Variants in ZFAND3 observed in about 807,000 individuals in gnomAD.
The protein encoded by ZFAND3 is AN1-type zinc finger protein 3.
A neutral mutation model predicts 29.6 loss-of-function variants in ZFAND3; 10 were observed. The ratio of observed to expected loss-of-function variants is 0.34; its 90% CI spans 0.21 to 0.57. The LOEUF is 0.57. Ranked by LOEUF, ZFAND3 falls within the 20% of genes least tolerant of loss-of-function variation. The pLI, the probability that ZFAND3 is intolerant of heterozygous loss-of-function variation, is 0.86. For missense variants in ZFAND3, 230 were observed against 304.5 expected, an observed-to-expected ratio of 0.76 and a Z score of 1.82; for synonymous variants, 128 against 112.6, an observed-to-expected ratio of 1.14 and a Z score of -0.87.
intron 2 of ZFAND3, among the ~76,000 whole-genome samples, chr6:37,984,537 T>C (rs1235492159): frequency 6.6e-6 from 1 of 152,202 alleles, no homozygotes; most frequent in Admixed American, 6.5e-5. Flanking sequence ...TAGTTGATGG[T>C]AGGATGTGAA....
At chr6:37,932,403 T>C (rs1761615580) in intron 2 of ZFAND3, among the ~76,000 whole-genome samples, 1 of 152,218 alleles carries the variant, frequency 6.6e-6, no homozygotes. Flanking sequence ...AGACAAAATG[T>C]ATACAGGTTG....
At chr6:37,892,731 G>T (rs1290828694) in intron 1 of ZFAND3, among the ~76,000 whole-genome samples, 1 of 152,130 alleles carries the variant, frequency 6.6e-6, no homozygotes, top group Non-Finnish European at 1.5e-5. Context: ...AAGATACAAA[G>T]CGAGACTCAA....
chr6:37,925,977 G>C (rs969789043), intron 1 of ZFAND3, among the ~76,000 whole-genome samples: 4 of 152,130 alleles, frequency 2.6e-5, no homozygotes, highest in African/African-American at 9.7e-5. Flanking sequence ...GAAAGTGTGG[G>C]AGATCACTAC....
intron 1 of ZFAND3, among the ~76,000 whole-genome samples, chr6:37,865,994 G>T: frequency 6.6e-6 from 1 of 151,970 alleles, no homozygotes; most frequent in East Asian, 1.9e-4. Flanking sequence ...CTATCTTTTT[G>T]CCCCTCACTG....
intron 4 of ZFAND3, among the ~76,000 whole-genome samples, 172 bp from the exon 5 acceptor site, chr6:38,116,400 G>A (rs568965301): frequency 1.7e-4 from 26 of 152,290 alleles, no homozygotes; most frequent in African/African-American, 5.8e-4. Context: ...AAAGGTACAC[G>A]TTTGTCATAG....
chr6:38,153,401 G>A lies in ZFAND3; in HGVS notation c.*1012G>A, dbSNP rs899504524. 51 of 985,390 alleles carry A rather than the reference G, an allele frequency of 5.2e-5. 1 individual carries two copies. In the East Asian group the frequency reaches 1.8e-3, roughly 35 times the overall value. The allele number at this position is 985,390 out of a possible 1,614,324, so 61.0% of individuals were successfully genotyped here. ...TGCCTCCAGGGGCCAAGAGGATGAT[G>A]TCGTGGCCTCCATTCTCGTTTCTAT... On this transcript the variant is annotated 3_prime_UTR_variant, in exon 6 of 6. Coordinates refer to ENST00000287218, the MANE Select transcript of ZFAND3 (RefSeq NM_021943.3).
intron 1 of ZFAND3, among the ~76,000 whole-genome samples, chr6:37,929,083 AT>A (rs1761544102): frequency 1.3e-5 from 2 of 152,216 alleles, no homozygotes; most frequent in African/African-American, 4.8e-5. Context: ...GTGTTCCATT[AT>A]TGGAACACTA....
At chr6:38,146,750 T>A (rs1581960047) in intron 5 of ZFAND3, among the ~76,000 whole-genome samples, 1 of 152,162 alleles carries the variant, frequency 6.6e-6, no homozygotes, top group East Asian at 1.9e-4. Context: ...GGGGTGAGCA[T>A]CCTTTTAACC....
At chr6:38,020,111 G>A (rs1482378110) in intron 2 of ZFAND3, among the ~76,000 whole-genome samples, 1 of 152,184 alleles carries the variant, frequency 6.6e-6, no homozygotes, top group Non-Finnish European at 1.5e-5. Context: ...AGGCACATGG[G>A]CAAATCATAG....
chr6:37,981,909 G>T (rs1420121288), intron 2 of ZFAND3, among the ~76,000 whole-genome samples: 4 of 152,172 alleles, frequency 2.6e-5, no homozygotes, highest in Admixed American at 2.0e-4. Context: ...GTCAGTACAT[G>T]TAAGATTTAC....
intron 2 of ZFAND3, among the ~76,000 whole-genome samples, chr6:37,952,956 G>A (rs935708149): frequency 3.3e-5 from 5 of 150,956 alleles, no homozygotes; most frequent in African/African-American, 1.2e-4. Context: ...GCCCATCTTG[G>A]CTCTTCTCCC....
At chr6:38,069,479 G>A (rs1581891215) in intron 3 of ZFAND3, among the ~76,000 whole-genome samples, 1 of 152,154 alleles carries the variant, frequency 6.6e-6, no homozygotes, top group African/African-American at 2.4e-5. Flanking sequence ...AATGAAGAAT[G>A]CCCAAACTTT....
At chr6:37,868,275 A>G (rs2180514) in intron 1 of ZFAND3, among the ~76,000 whole-genome samples, 107,143 of 152,140 alleles carry the variant, frequency 0.7, 38,292 homozygotes, top group African/African-American at 0.77. Flanking sequence ...AAACAAAGAA[A>G]TGGTAATATC....
intron 2 of ZFAND3, among the ~76,000 whole-genome samples, chr6:37,956,232 C>G (rs1036780795): frequency 2.6e-5 from 4 of 152,120 alleles, no homozygotes; most frequent in South Asian, 2.1e-4. Flanking sequence ...TGAGCATATA[C>G]CTAGAGGGGC....
intron 2 of ZFAND3, among the ~76,000 whole-genome samples, chr6:38,057,904 A>G (rs548866933): frequency 6.6e-6 from 1 of 152,330 alleles, no homozygotes; most frequent in East Asian, 1.9e-4. Context: ...GTGAGCAGCC[A>G]GTTGGGTTTG....
intron 1 of ZFAND3, among the ~76,000 whole-genome samples, chr6:37,835,495 G>A: frequency 6.8e-6 from 1 of 147,426 alleles, no homozygotes; most frequent in East Asian, 2.1e-4. Flanking sequence ...AATGTATTCT[G>A]GATGAGTCCT....
chr6:37,951,512 T>G (rs556806678), intron 2 of ZFAND3, among the ~76,000 whole-genome samples: 1 of 152,236 alleles, frequency 6.6e-6, no homozygotes, highest in East Asian at 1.9e-4. Context: ...GTGGGATCAG[T>G]TGAACCCAGG....
intron 4 of ZFAND3, among the ~76,000 whole-genome samples, chr6:38,097,249 ATTTT>A (rs1190146160): frequency 4.0e-5 from 5 of 123,470 alleles, no homozygotes; most frequent in African/African-American, 1.5e-4. Flanking sequence ...TTAATTTTTC[ATTTT>A]TTTTTTTTTT....
chr6:37,939,095 A>G (rs531293260), intron 2 of ZFAND3, among the ~76,000 whole-genome samples: 1 of 152,212 alleles, frequency 6.6e-6, no homozygotes, highest in Non-Finnish European at 1.5e-5. Context: ...TCCTGTATAC[A>G]TAATCTCATT....
Sources: gnomAD v4.1 joint callset for allele counts (sites outside exome capture counted in the v4.1 genomes callset) on GRCh38, gnomAD v4.1.1 for gene constraint, MANE v1.5 for transcripts, NCBI Gene and HGNC (gene_info 2026-07-23, HGNC 2026-07-21) for gene names.